Variants in SCN2A observed in about 807,000 individuals in gnomAD.
SCN2A encodes sodium channel protein type 2 subunit alpha.
SCN2A carries 20 observed loss-of-function variants against 188.7 expected under a neutral mutation model. That is an observed-to-expected ratio of 0.11 (90% CI 0.07 to 0.15). The LOEUF (loss-of-function observed/expected upper bound fraction) is 0.15, where lower values mean the gene tolerates loss of function less well. SCN2A is among the 10% of genes least tolerant of loss of function. SCN2A has a pLI of 1.00. For missense variants in SCN2A, 1,278 were observed against 2,445.0 expected (o/e 0.52, Z 10.07); for synonymous variants, 804 against 833.1 (o/e 0.97, Z 0.60).
chr2:165,314,166 A>C, intron 10 of SCN2A, 58 bp downstream of exon 10: 1 of 1,545,468 alleles, frequency 6.5e-7, no homozygotes, highest in Non-Finnish European at 8.8e-7. Context: ...TTTAACCTAA[A>C]TGTTGAGGTC....
intron 1 of SCN2A, among the ~76,000 whole-genome samples, chr2:165,292,681 A>G (rs1696281831): frequency 6.6e-6 from 1 of 152,246 alleles, no homozygotes; most frequent in Admixed American, 6.5e-5. Context: ...TGTTCTAATT[A>G]TAATTGATAC....
intron 25 of SCN2A, 48 bp from the exon 26 acceptor site, chr2:165,386,698 A>G: frequency 6.4e-7 from 1 of 1,568,002 alleles, no homozygotes; most frequent in Non-Finnish European, 8.7e-7. Flanking sequence ...ATTGAATTCG[A>G]TTTTTTTTAA....
At chr2:165,368,439 G>A (rs994205139) in intron 19 of SCN2A, among the ~76,000 whole-genome samples, 5 of 152,114 alleles carry the variant, frequency 3.3e-5, no homozygotes, top group Non-Finnish European at 5.9e-5. Context: ...CAGGCTTGAG[G>A]GTGGAGCCCT....
At chr2:165,334,347 G>A (rs1698862517) in intron 14 of SCN2A, among the ~76,000 whole-genome samples, 1 of 151,584 alleles carries the variant, frequency 6.6e-6, no homozygotes, top group Non-Finnish European at 1.5e-5. Flanking sequence ...ATATAGACCA[G>A]CCATATCCCA....
chr2:165,388,942 C>T lies in SCN2A; in HGVS notation c.5136C>T (p.Thr1712=), dbSNP rs767260353. The T allele has an allele frequency of 1.9e-6, 3 of 1,613,982 alleles. No homozygotes were observed. The African/African-American group carries it at 4.0e-5, about 22-fold the overall frequency. Residue 1712 remains threonine, a synonymous_variant, in exon 27 of 27, where the codon ACC becomes ACT. Coordinates refer to ENST00000375437, the MANE Select transcript of SCN2A (RefSeq NM_001040142.2). ...TGATCTGCCTGTTCCAAATTACAACCTCTGCTGGCTGGGATGGATTGCTAG... is the reference window on the plus strand; with the variant it reads ...TGATCTGCCTGTTCCAAATTACAACTTCTGCTGGCTGGGATGGATTGCTAG... ...NSMICLFQIT[T]SAGWDGLLAP...
chr2:165,371,458 CCTGTATTACAAGTGCCACCTCTTTACTTG>C (rs1559396521), intron 20 of SCN2A: 2 of 152,190 alleles, frequency 1.3e-5, no homozygotes, highest in East Asian at 3.9e-4. Flanking sequence ...TAAGTCGACA[CCTGTATTACAAGTGCCACCTCTTTACTTG>C]AGGAAGGAGG....
chr2:165,327,169 T>C, intron 13 of SCN2A, 185 bp downstream of exon 13: 1 of 665,654 alleles, frequency 1.5e-6, no homozygotes, highest in Non-Finnish European at 2.5e-6. Flanking sequence ...TTTTTTTTTA[T>C]ATTTAGCCTC....
intron 1 of SCN2A, among the ~76,000 whole-genome samples, chr2:165,251,712 T>C (rs764760413): frequency 1.3e-5 from 2 of 152,136 alleles, no homozygotes; most frequent in Admixed American, 6.6e-5. Context: ...TTGTTTCTTT[T>C]CCTTAACCCT....
chr2:165,333,184 A>G (rs2105296884), intron 14 of SCN2A, among the ~76,000 whole-genome samples: 1 of 152,162 alleles, frequency 6.6e-6, no homozygotes, highest in East Asian at 1.9e-4. Context: ...GAGTGAAATT[A>G]TGAAGACAAT....
intron 12 of SCN2A, 115 bp downstream of exon 12, chr2:165,323,615 A>T: frequency 1.0e-6 from 1 of 979,532 alleles, no homozygotes; most frequent in African/African-American, 1.6e-5. Context: ...AAAGGCTGGG[A>T]GTTTGTTCAA....
intron 25 of SCN2A, 53 bp from the exon 26 acceptor site, chr2:165,386,693 A>G (rs1701892345): frequency 6.5e-7 from 1 of 1,550,024 alleles, no homozygotes; most frequent in African/African-American, 1.4e-5. Context: ...GAAGAATTGA[A>G]TTCGATTTTT....
chr2:165,317,273 A>G (rs1697805609), intron 11 of SCN2A, among the ~76,000 whole-genome samples: 1 of 150,226 alleles, frequency 6.7e-6, no homozygotes, highest in Non-Finnish European at 1.5e-5. Flanking sequence ...TAGTAGAAAC[A>G]TTAATCAATA....
intron 16 of SCN2A, among the ~76,000 whole-genome samples, chr2:165,353,135 C>T (rs189743750): frequency 4.7e-4 from 72 of 151,790 alleles, no homozygotes; most frequent in Non-Finnish European, 2.6e-4. Flanking sequence ...TTTTTAAAGA[C>T]CCAATTTGCA....
intron 1 of SCN2A, among the ~76,000 whole-genome samples, chr2:165,287,615 G>T (rs1695909697): frequency 1.3e-5 from 2 of 151,866 alleles, no homozygotes; most frequent in African/African-American, 2.4e-5. Context: ...GTCATCTGAT[G>T]GTTGCCTGAC....
chr2:165,253,951 C>T (rs1036319744), intron 1 of SCN2A, among the ~76,000 whole-genome samples: 1 of 151,776 alleles, frequency 6.6e-6, no homozygotes, highest in Non-Finnish European at 1.5e-5. Context: ...CTAATGTTTA[C>T]CCCCAGTTAT....
At position 165,389,266 on chromosome 2, in the gene SCN2A, T is replaced by A; in HGVS notation, c.5460T>A (p.Asp1820Glu). 1 of 1,614,050 alleles carries A rather than the reference T, an allele frequency of 6.2e-7. No individual in the cohort carries two copies. The change falls in exon 27 of 27, where the codon GAT becomes GAA. Residue 1820 changes from aspartate (D) to glutamate (E), a missense_variant. Physicochemically the swap from Asp to Glu is conservative, Grantham distance 45. Around this residue, in one of 17 missense-constraint regions of SCN2A, gnomAD observed 54 missense variants for 135.4 expected, o/e 0.40. Coordinates refer to ENST00000375437, the MANE Select transcript of SCN2A (RefSeq NM_001040142.2). The surrounding 1 kb of genome is among the most constrained non-coding windows in gnomAD (Gnocchi z 4.2). ...TTATAGAGTTTGCCAAACTTTCTGA[T>A]TTTGCAGATGCCCTGGATCCTCCTC... is the stretch of plus-strand genomic sequence containing the variant. ...TQFIEFAKLS[D>E]FADALDPPLL...
chr2:165,349,092 G>T (rs1429887952), intron 16 of SCN2A, among the ~76,000 whole-genome samples: 1 of 152,076 alleles, frequency 6.6e-6, no homozygotes, highest in Non-Finnish European at 1.5e-5. Context: ...GTGCCATAGG[G>T]TTACATAGAA....
At chr2:165,253,772 A>G (rs1396903437) in intron 1 of SCN2A, among the ~76,000 whole-genome samples, 1 of 152,044 alleles carries the variant, frequency 6.6e-6, no homozygotes, top group Non-Finnish European at 1.5e-5. Context: ...TATATAGAGA[A>G]ATGTATAGGT....
intron 1 of SCN2A, among the ~76,000 whole-genome samples, chr2:165,251,212 A>G (rs1694077817): frequency 6.6e-6 from 1 of 152,040 alleles, no homozygotes; most frequent in African/African-American, 2.4e-5. Flanking sequence ...CCAACCAGAC[A>G]ACAACAACAA....
Sources: gnomAD v4.1 joint callset for allele counts (sites outside exome capture counted in the v4.1 genomes callset) on GRCh38, gnomAD v4.1.1 for gene constraint, gnomAD v4.1.1 regional missense constraint, Gnocchi (gnomAD v3.1) non-coding constraint, MANE v1.5 for transcripts, NCBI Gene and HGNC (gene_info 2026-07-23, HGNC 2026-07-21) for gene names.